Variants in CNOT10 observed in about 807,000 individuals in gnomAD.
CNOT10 encodes CCR4-NOT transcription complex subunit 10.
CNOT10 carries 30 observed loss-of-function variants against 94.6 expected under a neutral mutation model. That is an observed-to-expected ratio of 0.32 (90% confidence interval 0.24 to 0.43). CNOT10 has a LOEUF of 0.43. Ranked by LOEUF, CNOT10 falls within the 20% of genes least tolerant of loss-of-function variation. The pLI is 1.00. For missense variants in CNOT10, 759 were observed against 877.2 expected, an observed-to-expected ratio of 0.87 and a Z score of 1.70; for synonymous variants, 289 against 301.6, an observed-to-expected ratio of 0.96 and a Z score of 0.43.
In CNOT10 at chr3:32,732,377, T is replaced by A. The variant is rs1698998698; in HGVS notation, c.1216-1046T>A. On this transcript the variant is annotated intron_variant, in intron 10 of 18. Coordinates refer to ENST00000328834, the MANE Select transcript of CNOT10 (RefSeq NM_015442.3). ...TGCACCCAAGCCTAAAGAAAAATTTTCCAGCCTCAGCAACTTGGCAAAACC... is the reference window on the plus strand; with the variant it reads ...TGCACCCAAGCCTAAAGAAAAATTTACCAGCCTCAGCAACTTGGCAAAACC... Among the ~76,000 whole-genome samples, 3 of 151,490 alleles carry A rather than the reference T, an allele frequency of 2.0e-5. No individual in the cohort carries two copies. The South Asian group carries it at 6.3e-4, about 32-fold the overall frequency.
intron 10 of CNOT10, among the ~76,000 whole-genome samples, chr3:32,728,434 A>T (rs1698784258): frequency 6.6e-6 from 1 of 151,488 alleles, no homozygotes; most frequent in South Asian, 2.1e-4. Flanking sequence ...CAGTCTGGAC[A>T]ACATAGTGAG....
intron 7 of CNOT10, among the ~76,000 whole-genome samples, chr3:32,719,094 C>T (rs1401709903): frequency 6.6e-6 from 1 of 152,196 alleles, no homozygotes; most frequent in South Asian, 2.1e-4. Flanking sequence ...ACTAAAAATA[C>T]AAAAATTAGC....
chr3:32,727,640 T>C (rs1698738317), intron 9 of CNOT10, 28 bp from the exon 10 acceptor site: 1 of 1,373,604 alleles, frequency 7.3e-7, no homozygotes, highest in East Asian at 2.3e-5. Flanking sequence ...AATCTAATGA[T>C]GTATTCTTAT....
intron 10 of CNOT10, among the ~76,000 whole-genome samples, chr3:32,729,238 TG>T (rs1458235025): frequency 1.3e-5 from 2 of 152,214 alleles, no homozygotes; most frequent in Non-Finnish European, 2.9e-5. Flanking sequence ...TGATTGCCCA[TG>T]GTAGCTATGG....
At chr3:32,744,535 T>C (rs1295198150) in intron 13 of CNOT10, among the ~76,000 whole-genome samples, 2 of 152,226 alleles carry the variant, frequency 1.3e-5, no homozygotes, top group Middle Eastern at 3.2e-3. Context: ...AGTATATTTT[T>C]AGAAGGCAGA....
chr3:32,687,434 T>A (rs1369948432), intron 1 of CNOT10, among the ~76,000 whole-genome samples: 1 of 114,988 alleles, frequency 8.7e-6, no homozygotes, highest in African/African-American at 3.3e-5. Flanking sequence ...TTTTAAGTCC[T>A]CACGGTTTTT....
intron 14 of CNOT10, among the ~76,000 whole-genome samples, chr3:32,762,111 G>A (rs1336914953): frequency 6.8e-6 from 1 of 147,436 alleles, no homozygotes; most frequent in Non-Finnish European, 1.5e-5. Flanking sequence ...TTGTGGTGGT[G>A]TTGTTCTTGT....
intron 15 of CNOT10, 150 bp downstream of exon 15, chr3:32,763,013 A>C (rs1575309327): frequency 1.4e-6 from 1 of 715,688 alleles, no homozygotes; most frequent in Non-Finnish European, 2.1e-6. Context: ...ACTTTGTAGC[A>C]GTTGTTTGCT....
At chr3:32,731,638 G>A (rs1275466714) in intron 10 of CNOT10, among the ~76,000 whole-genome samples, 1 of 152,042 alleles carries the variant, frequency 6.6e-6, no homozygotes, top group African/African-American at 2.4e-5. Context: ...ACCGCACTTG[G>A]CTAATTTTTG....
intron 1 of CNOT10, chr3:32,695,684 T>C (rs1575203615): frequency 6.5e-7 from 1 of 1,536,002 alleles, no homozygotes; most frequent in African/African-American, 1.4e-5. Context: ...TCTGTACGCA[T>C]AGAAGGTCAG....
intron 4 of CNOT10, among the ~76,000 whole-genome samples, chr3:32,712,206 A>G (rs1697926452): frequency 6.9e-6 from 1 of 144,884 alleles, no homozygotes; most frequent in East Asian, 2.0e-4. Flanking sequence ...AAAGCAATGT[A>G]TTTCATGGAG....
intron 15 of CNOT10, among the ~76,000 whole-genome samples, chr3:32,763,378 C>T (rs548215132): frequency 4.0e-5 from 6 of 151,850 alleles, no homozygotes; most frequent in South Asian, 2.1e-4. Context: ...TTGTCGGGTG[C>T]GGTGGCTCAC....
chr3:32,739,008 G>A (rs1292445569), intron 13 of CNOT10, among the ~76,000 whole-genome samples: 2 of 151,034 alleles, frequency 1.3e-5, no homozygotes, highest in African/African-American at 2.4e-5. Context: ...AGTTTCAGGC[G>A]ATTCTCCTGC....
chr3:32,685,715 C>G (rs1307843122), intron 1 of CNOT10, among the ~76,000 whole-genome samples: 1 of 152,186 alleles, frequency 6.6e-6, no homozygotes, highest in South Asian at 2.1e-4. Context: ...GCCGCCTTTG[C>G]CCTGCTCTTC....
chr3:32,696,363 C>G (rs989086116), intron 1 of CNOT10, among the ~76,000 whole-genome samples: 28 of 151,740 alleles, frequency 1.8e-4, no homozygotes, highest in Admixed American at 1.1e-3. Context: ...ACTGATTGCT[C>G]AGGCTGGTAG....
At chr3:32,717,881 TA>T (rs994739051) in intron 7 of CNOT10, among the ~76,000 whole-genome samples, 138 of 151,694 alleles carry the variant, frequency 9.1e-4, no homozygotes, top group Non-Finnish European at 1.8e-4. Context: ...ATTTTTTAAA[TA>T]AAAAAAAATT....
At chr3:32,724,606 G>T (rs1180025156) in intron 8 of CNOT10, among the ~76,000 whole-genome samples, 2 of 152,098 alleles carry the variant, frequency 1.3e-5, no homozygotes, top group South Asian at 2.1e-4. Context: ...TAGAGACGGG[G>T]TTTCACCATG....
At chr3:32,764,344 A>T (rs1700575922) in intron 15 of CNOT10, 111 bp from the exon 16 acceptor site, 1 of 1,187,704 alleles carries the variant, frequency 8.4e-7, no homozygotes, top group South Asian at 1.5e-5. Flanking sequence ...CTCAAAAAAA[A>T]AAAAAAGAAA....
chr3:32,694,077 C>G (rs1361016995), intron 1 of CNOT10, among the ~76,000 whole-genome samples: 2 of 150,792 alleles, frequency 1.3e-5, no homozygotes, highest in Non-Finnish European at 2.9e-5. Flanking sequence ...AGCAATTATA[C>G]TTAAAATTGA....
Sources: allele counts gnomAD v4.1 joint callset (sites outside exome capture counted in the v4.1 genomes callset), GRCh38; gene constraint gnomAD v4.1.1; transcripts MANE v1.5; gene names NCBI Gene and HGNC (gene_info 2026-07-23, HGNC 2026-07-21).